The following MXI1 variants were observed in gnomAD, a reference collection of about 807,000 sequenced individuals.
MXI1 encodes the protein MAX interactor 1, dimerization protein, also known as max-interacting protein 1.
A neutral mutation model predicts 36.9 loss-of-function variants in MXI1; 18 were observed. The observed-to-expected ratio is 0.49, with a 90% CI of 0.34 to 0.72. The LOEUF is 0.72. MXI1 is among the 30% of genes least tolerant of loss of function. The pLI, the probability that MXI1 is intolerant of heterozygous loss-of-function variation, is 0.01. For missense variants in MXI1, 304 were observed against 379.1 expected (o/e 0.80, Z 1.64); for synonymous variants, 160 against 146.7 (o/e 1.09, Z -0.65).
chr10:110,219,953 C>T (rs1854757519), intron 1 of MXI1, among the ~76,000 whole-genome samples: 1 of 152,162 alleles, frequency 6.6e-6, no homozygotes, highest in Admixed American at 6.5e-5. Flanking sequence ...ATCCTTGGTT[C>T]CCACCCACTA....
At chr10:110,284,084 C>T (rs552777399) in intron 5 of MXI1, among the ~76,000 whole-genome samples, 2 of 151,888 alleles carry the variant, frequency 1.3e-5, no homozygotes, top group African/African-American at 2.4e-5. Context: ...TGAGCCACTG[C>T]GTCCAGCAAC....
intron 3 of MXI1, among the ~76,000 whole-genome samples, chr10:110,259,361 A>T (rs935277365): frequency 2.6e-5 from 4 of 152,104 alleles, no homozygotes; most frequent in African/African-American, 9.6e-5. Flanking sequence ...AACTGACTAT[A>T]CCTTTAGTAC....
chr10:110,216,663 A>ATTTTTTTTTTTTTTT (rs1166044480), intron 1 of MXI1, among the ~76,000 whole-genome samples: 1 of 39,464 alleles, frequency 2.5e-5, no homozygotes, highest in African/African-American at 2.3e-4. Flanking sequence ...TCTGTGTTTA[A>ATTTTTTTTTTTTTTT]TGTTTTTTTT....
At chr10:110,262,645 A>T (rs976945823) in intron 3 of MXI1, among the ~76,000 whole-genome samples, 3 of 152,086 alleles carry the variant, frequency 2.0e-5, no homozygotes, top group Admixed American at 2.0e-4. Context: ...TAAGATTTTT[A>T]AAAAGGCAAT....
At chr10:110,249,646 A>G (rs573605648) in intron 3 of MXI1, among the ~76,000 whole-genome samples, 1 of 152,022 alleles carries the variant, frequency 6.6e-6, no homozygotes, top group Non-Finnish European at 1.5e-5. Context: ...CTAGTGGTCT[A>G]TGTGATCATT....
intron 2 of MXI1, among the ~76,000 whole-genome samples, chr10:110,239,259 G>A (rs1226251769): frequency 3.3e-5 from 5 of 152,168 alleles, no homozygotes; most frequent in Non-Finnish European, 1.5e-5. Context: ...GACATTGTCA[G>A]ATGTGTTGGT....
chr10:110,208,663 C>T (rs1564701813), intron 1 of MXI1: 1 of 151,926 alleles, frequency 6.6e-6, no homozygotes, highest in East Asian at 1.9e-4. Flanking sequence ...TTCCCTCTAG[C>T]AGCAGGACTG....
At chr10:110,214,172 A>G (rs956328437) in intron 1 of MXI1, among the ~76,000 whole-genome samples, 1 of 152,200 alleles carries the variant, frequency 6.6e-6, no homozygotes, top group Non-Finnish European at 1.5e-5. Context: ...ACAGCCAAGG[A>G]ATGAAGTCCA....
intron 3 of MXI1, among the ~76,000 whole-genome samples, chr10:110,249,385 CCTCAGTATCAGTT>C (rs1855988443): frequency 1.3e-5 from 2 of 151,654 alleles, no homozygotes; most frequent in Admixed American, 1.3e-4. Flanking sequence ...ACAACTGATA[CCTCAGTATCAGTT>C]GTTACTGATT....
intron 1 of MXI1, 148 bp from the exon 2 acceptor site, chr10:110,228,041 C>G: frequency 2.4e-6 from 2 of 821,704 alleles, no homozygotes; most frequent in Non-Finnish European, 3.8e-6. Context: ...AGGCGAGGGA[C>G]ATTAATTTTC....
At chr10:110,240,155 A>G (rs565736256) in intron 2 of MXI1, among the ~76,000 whole-genome samples, 3 of 152,222 alleles carry the variant, frequency 2.0e-5, no homozygotes, top group African/African-American at 7.2e-5. Flanking sequence ...AATATTTCAC[A>G]ATTTATCCAT....
rs563004337 is a variant in MXI1, at chr10:110,218,225, C to T, written c.275-9964C>T. Among the ~76,000 whole-genome samples the T allele has an allele frequency of 3.1e-3, 468 of 152,040 alleles. 1 individual carries two copies. Among genetic ancestry groups the T allele is most frequent in the Non-Finnish European group, 4.8e-3 (325 of 67,948 alleles). ...CAGCACTTTGGGAGGCCGAGGTGGG[C>T]GGATCACGAGGTCAGGAGATCGAGA... On this transcript the variant is annotated intron_variant, in intron 1 of 5. Coordinates refer to ENST00000332674, the MANE Select transcript of MXI1 (RefSeq NM_130439.3).
intron 2 of MXI1, among the ~76,000 whole-genome samples, chr10:110,239,803 C>CA (rs1437574140): frequency 1.3e-5 from 2 of 151,712 alleles, no homozygotes; most frequent in African/African-American, 2.4e-5. Context: ...AATGTACATA[C>CA]AAAAAAAGCA....
At chr10:110,222,566 G>C (rs1854843527) in intron 1 of MXI1, among the ~76,000 whole-genome samples, 1 of 152,196 alleles carries the variant, frequency 6.6e-6, no homozygotes, top group Non-Finnish European at 1.5e-5. Context: ...GGCTGTGATC[G>C]TTATAGGCCT....
intron 1 of MXI1, among the ~76,000 whole-genome samples, chr10:110,224,635 CT>C (rs34948360): frequency 0.24 from 29,869 of 126,182 alleles, 3,114 homozygotes; most frequent in African/African-American, 0.4. Context: ...CAGTCAGTGG[CT>C]TTTTTTTTTT....
At chr10:110,278,805 A>T (rs1857135457) in intron 3 of MXI1, among the ~76,000 whole-genome samples, 1 of 152,040 alleles carries the variant, frequency 6.6e-6, no homozygotes, top group South Asian at 2.1e-4. Flanking sequence ...CCCTTGGGGT[A>T]CCATAGCTGA....
In MXI1 at chr10:110,244,794, AT is replaced by A. The variant is rs749588926; in HGVS notation, c.408-33del. On this transcript the variant is annotated intron_variant, in intron 2 of 5. Coordinates refer to ENST00000332674, the MANE Select transcript of MXI1 (RefSeq NM_130439.3). ...CTTTCTATAGCTTTAGCAACAAAGC[AT>A]GGCTAATGCTTTTTTTTTTTTTTGT... 4 of 1,557,386 alleles carry A rather than the reference AT, an allele frequency of 2.6e-6. No individual in the cohort carries two copies. In the South Asian group the frequency reaches 4.7e-5, roughly 18 times the overall value.
At chr10:110,241,613 A>C (rs1341756886) in intron 2 of MXI1, among the ~76,000 whole-genome samples, 2 of 151,974 alleles carry the variant, frequency 1.3e-5, no homozygotes, top group Non-Finnish European at 2.9e-5. Context: ...TAAATGATAA[A>C]GTAGCTTCAG....
chr10:110,230,168 T>G (rs1287123230), intron 2 of MXI1, among the ~76,000 whole-genome samples: 2 of 152,210 alleles, frequency 1.3e-5, no homozygotes, highest in African/African-American at 4.8e-5. Context: ...TATAGAGGCA[T>G]AAATAAGATG....
Sources: gnomAD v4.1 joint callset for allele counts (sites outside exome capture counted in the v4.1 genomes callset) on GRCh38, gnomAD v4.1.1 for gene constraint, MANE v1.5 for transcripts, NCBI Gene and HGNC (gene_info 2026-07-23, HGNC 2026-07-21) for gene names.